SPMIP7: variants seen among roughly 807,000 people sequenced by gnomAD.
The protein encoded by SPMIP7 is sperm microtubule inner protein 7.
chr7:50,120,871 T>A, the SPMIP7 span, among the ~76,000 whole-genome samples: 1 of 152,220 alleles, frequency 6.6e-6, no homozygotes, highest in African/African-American at 2.4e-5. Context: ...ACACAGACTA[T>A]GACCACTAAG....
chr7:50,107,293 T>G, the SPMIP7 span, among the ~76,000 whole-genome samples: 2 of 131,126 alleles, frequency 1.5e-5, no homozygotes, highest in African/African-American at 5.7e-5. Flanking sequence ...GAGGCGGAGG[T>G]TGCAGTGAGC....
At chr7:50,125,585 GGTGT>G in the SPMIP7 span, among the ~76,000 whole-genome samples, 4,218 of 140,562 alleles carry the variant, frequency 0.03, 108 homozygotes, top group South Asian at 0.11. Context: ...AAGAAAATAT[GGTGT>G]GTGTGTGTGT....
the SPMIP7 span, chr7:50,096,757 TA>T: frequency 1.3e-6 from 1 of 794,562 alleles, no homozygotes; most frequent in East Asian, 2.8e-5. Context: ...AAAAAGGTTT[TA>T]TTTTTAAATT....
chr7:50,132,293 G>A, the SPMIP7 span, among the ~76,000 whole-genome samples: 2 of 152,048 alleles, frequency 1.3e-5, no homozygotes, highest in African/African-American at 2.4e-5. Flanking sequence ...TAAAAATGAA[G>A]GATGATAACC....
the SPMIP7 span, chr7:50,158,895 T>C: frequency 1.4e-6 from 1 of 692,374 alleles, no homozygotes; most frequent in Admixed American, 2.6e-5. Context: ...TGCAGCTGAG[T>C]GCTCCCCAGC....
At chr7:50,099,060 A>G in the SPMIP7 span, among the ~76,000 whole-genome samples, 2 of 152,056 alleles carry the variant, frequency 1.3e-5, no homozygotes, top group Admixed American at 6.6e-5. Flanking sequence ...GATTTTGACT[A>G]CTTTAGGTTC....
At chr7:50,123,289 T>C in the SPMIP7 span, among the ~76,000 whole-genome samples, 5 of 131,110 alleles carry the variant, frequency 3.8e-5, no homozygotes, top group South Asian at 1.0e-3. Context: ...AAATTGGAAA[T>C]CATCATTCTC....
At chr7:50,123,237 A>C in the SPMIP7 span, among the ~76,000 whole-genome samples, 1 of 123,678 alleles carries the variant, frequency 8.1e-6, no homozygotes, top group African/African-American at 3.2e-5. Context: ...CTATGCAGCC[A>C]TAAAAAATGA....
chr7:50,155,430 G>A, the SPMIP7 span, among the ~76,000 whole-genome samples: 1 of 152,200 alleles, frequency 6.6e-6, no homozygotes, highest in Non-Finnish European at 1.5e-5. Flanking sequence ...TGTCCAAAGA[G>A]AGTGGGATGA....
At chr7:50,121,903 G>A in the SPMIP7 span, among the ~76,000 whole-genome samples, 9 of 151,530 alleles carry the variant, frequency 5.9e-5, no homozygotes, top group African/African-American at 1.5e-4. Context: ...ATGATCCTCC[G>A]GCCTCGACCT....
At chr7:50,136,086 G>A in the SPMIP7 span, 25 of 1,543,712 alleles carry the variant, frequency 1.6e-5, no homozygotes, top group Non-Finnish European at 2.1e-5. Context: ...TGATTTTGAC[G>A]ATTATTTTTA....
At chr7:50,128,094 A>G in the SPMIP7 span, among the ~76,000 whole-genome samples, 1 of 149,278 alleles carries the variant, frequency 6.7e-6, no homozygotes, top group Non-Finnish European at 1.5e-5. Context: ...ATGGGTAGAG[A>G]AAATGTGGTA....
chr7:50,130,767 G>A, the SPMIP7 span, among the ~76,000 whole-genome samples: 7 of 151,742 alleles, frequency 4.6e-5, no homozygotes, highest in Non-Finnish European at 8.8e-5. Flanking sequence ...GGAGTTGAGA[G>A]AGCAGCCATG....
At chr7:50,116,002 C>T in the SPMIP7 span, among the ~76,000 whole-genome samples, 2 of 152,148 alleles carry the variant, frequency 1.3e-5, no homozygotes, top group African/African-American at 4.8e-5. Context: ...GTTAAGCAAA[C>T]ATAAAAATGG....
At chr7:50,107,391 G>GAAAAAAAAAAAAAAA in the SPMIP7 span, among the ~76,000 whole-genome samples, 2 of 63,900 alleles carry the variant, frequency 3.1e-5, no homozygotes, top group African/African-American at 6.2e-5. Flanking sequence ...AAAAAGAAAA[G>GAAAAAAAAAAAAAAA]AAAAGAAAAA....
At chr7:50,143,664 ATAG>A in the SPMIP7 span, among the ~76,000 whole-genome samples, 2 of 152,232 alleles carry the variant, frequency 1.3e-5, no homozygotes, top group Non-Finnish European at 2.9e-5. Context: ...TAGCTTAAAA[ATAG>A]TAGTTTTTAT....
the SPMIP7 span, among the ~76,000 whole-genome samples, chr7:50,155,861 C>CTG: frequency 0.88 from 129,912 of 148,000 alleles, 60,562 homozygotes; most frequent in Admixed American, 0.93. Context: ...GCACATACAG[C>CTG]TCTCATCCAT....
At chr7:50,118,655 A>C in the SPMIP7 span, among the ~76,000 whole-genome samples, 1 of 152,194 alleles carries the variant, frequency 6.6e-6, no homozygotes, top group Non-Finnish European at 1.5e-5. Flanking sequence ...ATTTCACTGG[A>C]CAATTTAGAA....
At chr7:50,106,819 A>G in the SPMIP7 span, among the ~76,000 whole-genome samples, 1 of 152,224 alleles carries the variant, frequency 6.6e-6, no homozygotes, top group Non-Finnish European at 1.5e-5. Context: ...AGACTGGGGA[A>G]GGGGCCAGGC....
Sources: allele counts gnomAD v4.1 joint callset (sites outside exome capture counted in the v4.1 genomes callset), GRCh38; gene constraint gnomAD v4.1.1; transcripts MANE v1.5; gene names NCBI Gene and HGNC (gene_info 2026-07-23, HGNC 2026-07-21).